The following SLC24A2 variants were observed in gnomAD, a reference collection of about 807,000 sequenced individuals.
The protein encoded by SLC24A2 is solute carrier family 24 member 2, also known as sodium/potassium/calcium exchanger 2.
A neutral mutation model predicts 62.0 loss-of-function variants in SLC24A2; 36 were observed. That is an observed-to-expected ratio of 0.58 (90% CI 0.44 to 0.77). The LOEUF is 0.77. Among genes scored for constraint, SLC24A2 ranks in the 30% least tolerant of loss-of-function variants. The pLI, the probability that SLC24A2 is intolerant of heterozygous loss-of-function variation, is 0.00. For missense variants in SLC24A2, 846 were observed against 817.9 expected (o/e 1.03, Z -0.42); for synonymous variants, 358 against 294.0 (o/e 1.22, Z -2.23).
At chr9:19,676,105 A>G (rs1169253656) in intron 2 of SLC24A2, among the ~76,000 whole-genome samples, 1 of 152,172 alleles carries the variant, frequency 6.6e-6, no homozygotes, top group African/African-American at 2.4e-5. Flanking sequence ...CTCAGCTCCA[A>G]GTAAGGTCAA....
intron 2 of SLC24A2, among the ~76,000 whole-genome samples, chr9:19,662,815 T>C (rs1819140411): frequency 6.6e-6 from 1 of 152,210 alleles, no homozygotes; most frequent in African/African-American, 2.4e-5. Context: ...TCAAAATTTA[T>C]GTTATATACT....
chr9:20,184,735 A>C, the SLC24A2 span, among the ~76,000 whole-genome samples: 1 of 152,302 alleles, frequency 6.6e-6, no homozygotes, highest in Non-Finnish European at 1.5e-5. Flanking sequence ...TATGTGATCC[A>C]GCAATCTCAC....
At chr9:20,040,715 G>C in the SLC24A2 span, among the ~76,000 whole-genome samples, 9 of 152,204 alleles carry the variant, frequency 5.9e-5, no homozygotes, top group African/African-American at 2.2e-4. Context: ...TCATTCATCA[G>C]TGAAGATGCA....
chr9:19,516,092 C>G lies in SLC24A2; in HGVS notation c.*61G>C, dbSNP rs3739481. 0.27 allele frequency: 435,409 copies of G among 1,607,202 alleles called. 63,913 individuals are homozygous for G. Among genetic ancestry groups the G allele is most frequent in the East Asian group, 0.52 (23,148 of 44,810 alleles). The stretch of plus-strand genomic sequence containing the variant: ...TGCCTCTTCTCAAGAGGTCAAGGAG[C>G]CCAGAGCCCAGAGTGTGGAGGGACC... On this transcript the variant is annotated 3_prime_UTR_variant, in exon 11 of 11. Coordinates refer to ENST00000341998, the MANE Select transcript of SLC24A2 (RefSeq NM_020344.4).
At chr9:19,965,735 A>C in the SLC24A2 span, among the ~76,000 whole-genome samples, 1 of 152,218 alleles carries the variant, frequency 6.6e-6, no homozygotes. Context: ...GGGATCAAAA[A>C]GCAGGAATTT....
chr9:19,525,093 C>G (rs1349797589), intron 9 of SLC24A2, among the ~76,000 whole-genome samples: 3 of 152,266 alleles, frequency 2.0e-5, no homozygotes, highest in African/African-American at 7.2e-5. Flanking sequence ...GCAAATGTCT[C>G]TCAATGAGTG....
chr9:19,545,162 T>C (rs1446419274), intron 8 of SLC24A2, among the ~76,000 whole-genome samples: 1 of 151,946 alleles, frequency 6.6e-6, no homozygotes, highest in Non-Finnish European at 1.5e-5. Context: ...TCTTCTCACT[T>C]CATTTCATTA....
chr9:20,099,578 T>C, the SLC24A2 span, among the ~76,000 whole-genome samples: 2 of 152,184 alleles, frequency 1.3e-5, no homozygotes, highest in African/African-American at 2.4e-5. Context: ...GGAAGACAGA[T>C]TGTTTTGTGC....
the SLC24A2 span, among the ~76,000 whole-genome samples, chr9:20,296,412 A>G: frequency 6.6e-6 from 1 of 152,226 alleles, no homozygotes; most frequent in African/African-American, 2.4e-5. Flanking sequence ...ACTTTTAGAG[A>G]GCTCTAATTC....
chr9:19,998,874 G>A, the SLC24A2 span, among the ~76,000 whole-genome samples: 8 of 152,232 alleles, frequency 5.3e-5, no homozygotes, highest in African/African-American at 9.6e-5. Flanking sequence ...TTCAACGGCA[G>A]CCCTGATGAT....
the SLC24A2 span, among the ~76,000 whole-genome samples, chr9:20,220,021 T>C: frequency 2.0e-5 from 3 of 152,288 alleles, no homozygotes; most frequent in East Asian, 5.8e-4. Flanking sequence ...TAACATGCTA[T>C]ATAAGTGTAA....
chr9:20,147,068 A>G, the SLC24A2 span, among the ~76,000 whole-genome samples: 1 of 152,172 alleles, frequency 6.6e-6, no homozygotes, highest in Non-Finnish European at 1.5e-5. Flanking sequence ...CCAAGTTTCA[A>G]GGATAAATTC....
intron 2 of SLC24A2, among the ~76,000 whole-genome samples, chr9:19,706,379 CTTTTT>C (rs34321235): frequency 7.6e-6 from 1 of 131,932 alleles, no homozygotes; most frequent in Non-Finnish European, 1.6e-5. Context: ...GGTCTTGAAT[CTTTTT>C]TTTTTTTTTT....
At chr9:19,793,737 A>G (rs1564104815), upstream of SLC24A2, among the ~76,000 whole-genome samples, 1 of 152,184 alleles carries the variant, frequency 6.6e-6, no homozygotes, top group South Asian at 2.1e-4. Flanking sequence ...GAGTTCTACT[A>G]TTCCTCATAG....
the SLC24A2 span, among the ~76,000 whole-genome samples, chr9:20,057,923 G>A: frequency 1.3e-5 from 2 of 152,134 alleles, no homozygotes; most frequent in African/African-American, 2.4e-5. Context: ...CAGTTCAGTA[G>A]GCTATCAAAA....
intron 7 of SLC24A2, among the ~76,000 whole-genome samples, chr9:19,567,825 G>A (rs1416872773): frequency 6.6e-6 from 1 of 151,950 alleles, no homozygotes; most frequent in Non-Finnish European, 1.5e-5. Flanking sequence ...CATTTAAAAA[G>A]TCATATTATT....
At chr9:19,971,935 G>A in the SLC24A2 span, among the ~76,000 whole-genome samples, 9 of 152,242 alleles carry the variant, frequency 5.9e-5, no homozygotes, top group African/African-American at 2.2e-4. Context: ...GAAACCCAGA[G>A]CTAGAATATT....
chr9:20,059,614 T>C, the SLC24A2 span, among the ~76,000 whole-genome samples: 4 of 152,196 alleles, frequency 2.6e-5, no homozygotes, highest in East Asian at 3.9e-4. Context: ...AATGAAAACA[T>C]AGCATACCAA....
intron 8 of SLC24A2, among the ~76,000 whole-genome samples, chr9:19,529,284 C>A (rs1049042876): frequency 6.6e-6 from 1 of 152,166 alleles, no homozygotes; most frequent in African/African-American, 2.4e-5. Context: ...TCACACAGAA[C>A]ACGTTCTGTC....
Sources: gnomAD v4.1 joint callset for allele counts (sites outside exome capture counted in the v4.1 genomes callset) on GRCh38, gnomAD v4.1.1 for gene constraint, MANE v1.5 for transcripts, NCBI Gene and HGNC (gene_info 2026-07-23, HGNC 2026-07-21) for gene names.